The following TTLL6 variants were observed in gnomAD, a reference collection of about 807,000 sequenced individuals.
TTLL6 encodes tubulin tyrosine ligase like 6, also known as tubulin polyglutamylase TTLL6.
A neutral mutation model predicts 96.4 loss-of-function variants in TTLL6; 75 were observed. The ratio of observed to expected loss-of-function variants is 0.78; its 90% CI spans 0.65 to 0.94. The LOEUF (loss-of-function observed/expected upper bound fraction) is 0.94. TTLL6 is among the 40% of genes least tolerant of loss of function. TTLL6 has a pLI of 0.00. For missense variants in TTLL6, 1,030 were observed against 1,093.0 expected, an observed-to-expected ratio of 0.94 and a Z score of 0.81; for synonymous variants, 411 against 419.4, an observed-to-expected ratio of 0.98 and a Z score of 0.24.
chr17:48,804,130 T>TTAC, intron 2 of TTLL6: 1 of 623,580 alleles, frequency 1.6e-6, no homozygotes, highest in Non-Finnish European at 2.9e-6. Context: ...CAGGGTACTA[T>TTAC]TACTCTACCC....
intron 1 of TTLL6, 120 bp downstream of exon 1, chr17:48,816,850 G>A: frequency 1.5e-6 from 1 of 687,392 alleles, no homozygotes; most frequent in South Asian, 2.2e-5. Flanking sequence ...AGGGCAGCGG[G>A]CTACCCTGGG....
chr17:48,815,240 C>T (rs1490534029), intron 1 of TTLL6: 1 of 152,132 alleles, frequency 6.6e-6, no homozygotes, highest in African/African-American at 2.4e-5. Context: ...TTTTTCTAGT[C>T]TATAGGAATA....
chr17:48,799,617 A>G lies in TTLL6; in HGVS notation c.755T>C (p.Leu252Pro). The change falls in exon 6 of 16, where the codon CTG (leucine) becomes CCG (proline). Residue 252 changes from leucine to proline, a missense_variant. Coordinates refer to ENST00000393382, the MANE Select transcript of TTLL6 (RefSeq NM_001130918.3). ...IKPGEDMICQ[L>P]YISKPFIIDG... ...ATGAGGAAGTACCTTTGAAATATACAGCTGACAGATCATATCCTCCCCTGG... is the reference window on the plus strand; with the variant it reads ...ATGAGGAAGTACCTTTGAAATATACGGCTGACAGATCATATCCTCCCCTGG... 1 of 1,551,904 alleles carries G rather than the reference A, an allele frequency of 6.4e-7. No homozygotes were observed. The highest frequency in any genetic ancestry group is 8.7e-7 in the Non-Finnish European group (1 of 1,147,054).
At chr17:48,779,291 T>C (rs1254765977) in intron 13 of TTLL6, among the ~76,000 whole-genome samples, 2 of 141,592 alleles carry the variant, frequency 1.4e-5, no homozygotes, top group Non-Finnish European at 3.0e-5. Flanking sequence ...GAGGCTGAGG[T>C]TGCAGTGAGC....
At chr17:48,812,329 A>G (rs1293944873) in intron 1 of TTLL6, 1 of 152,134 alleles carries the variant, frequency 6.6e-6, no homozygotes, top group East Asian at 1.9e-4. Context: ...TACATACATC[A>G]TGGTGTAAGG....
intron 1 of TTLL6, among the ~76,000 whole-genome samples, chr17:48,808,641 T>G (rs1302300592): frequency 6.6e-6 from 1 of 152,176 alleles, no homozygotes; most frequent in Non-Finnish European, 1.5e-5. Flanking sequence ...CAATCTCAGC[T>G]CACTGCAACC....
intron 1 of TTLL6, among the ~76,000 whole-genome samples, chr17:48,811,991 A>G (rs954528418): frequency 1.3e-5 from 2 of 149,404 alleles, no homozygotes; most frequent in Admixed American, 1.3e-4. Flanking sequence ...GTGAGCCACC[A>G]CGCCCAGCCA....
intron 5 of TTLL6, chr17:48,800,056 T>A: frequency 3.3e-6 from 1 of 301,116 alleles, no homozygotes; most frequent in South Asian, 6.9e-5. Context: ...ACAGTGAGGA[T>A]AATAACGACA....
intron 15 of TTLL6, among the ~76,000 whole-genome samples, chr17:48,766,323 T>C (rs539211332): frequency 1.3e-5 from 2 of 152,316 alleles, no homozygotes; most frequent in African/African-American, 4.8e-5. Flanking sequence ...ACATAGTCCA[T>C]GCCACTAGAG....
At chr17:48,778,728 G>A (rs535065246) in intron 13 of TTLL6, among the ~76,000 whole-genome samples, 5 of 151,442 alleles carry the variant, frequency 3.3e-5, no homozygotes, top group African/African-American at 9.7e-5. Flanking sequence ...TCAGGAGTTC[G>A]AGACCAGCCT....
intron 15 of TTLL6, among the ~76,000 whole-genome samples, chr17:48,763,890 G>A (rs913668187): frequency 2.0e-5 from 3 of 152,156 alleles, no homozygotes; most frequent in African/African-American, 7.2e-5. Flanking sequence ...CTTGAACCTG[G>A]GAAGCAGAGG....
At chr17:48,787,221 C>A (rs888839595) in intron 11 of TTLL6, among the ~76,000 whole-genome samples, 1 of 152,144 alleles carries the variant, frequency 6.6e-6, no homozygotes, top group Admixed American at 6.5e-5. Context: ...GTGGATGAGT[C>A]CCTCCAGCTC....
intron 1 of TTLL6, among the ~76,000 whole-genome samples, chr17:48,810,825 G>GTGTATATATATATATATA (rs368085735): frequency 2.4e-5 from 2 of 84,354 alleles, no homozygotes; most frequent in African/African-American, 8.1e-5. Flanking sequence ...GTATGTGTGT[G>GTGTATATATATATATATA]TATATATATA....
At chr17:48,806,109 CA>C (rs11334275) in intron 1 of TTLL6, 47,273 of 140,572 alleles carry the variant, frequency 0.34, 8,061 homozygotes, top group East Asian at 0.74. Context: ...AACTCCATCT[CA>C]AAAAAAAAAA....
chr17:48,762,900 C>T lies in TTLL6; in HGVS notation c.*74G>A. 2.2e-6 allele frequency: 1 copy of T among 456,320 alleles called. No individual in the cohort carries two copies. The allele number at this position is 456,320 out of a possible 1,614,324, so 28.3% of individuals were successfully genotyped here. The stretch of plus-strand genomic sequence containing the variant: ...GTTGATTCTGTGAACACTGGAGACA[C>T]TGTCGGAAGAGACACATTGTTTCCT... On this transcript the variant is annotated 3_prime_UTR_variant, in exon 16 of 16. Coordinates refer to ENST00000393382, the MANE Select transcript of TTLL6 (RefSeq NM_001130918.3).
chr17:48,799,477 A>G, intron 6 of TTLL6, 127 bp downstream of exon 6: 1 of 999,264 alleles, frequency 1.0e-6, no homozygotes, highest in Non-Finnish European at 1.5e-6. Context: ...GACAAAGTGC[A>G]AGGCAGAAGC....
chr17:48,794,061 G>A (rs1329732345), intron 8 of TTLL6: 1 of 1,274,290 alleles, frequency 7.8e-7, no homozygotes, highest in East Asian at 2.4e-5. Flanking sequence ...GCCCAGCAAG[G>A]GCAGGCGGAG....
chr17:48,788,410 A>G (rs929728387), intron 10 of TTLL6, among the ~76,000 whole-genome samples: 1 of 152,142 alleles, frequency 6.6e-6, no homozygotes, highest in African/African-American at 2.4e-5. Flanking sequence ...ACCGTTTACG[A>G]GCTGCAATGA....
intron 13 of TTLL6, among the ~76,000 whole-genome samples, chr17:48,781,729 A>G (rs544939962): frequency 4.0e-4 from 61 of 152,300 alleles, no homozygotes; most frequent in African/African-American, 1.4e-3. Flanking sequence ...TGTCCCCCCA[A>G]AATTCATGTT....
Sources: gnomAD v4.1 joint callset for allele counts (sites outside exome capture counted in the v4.1 genomes callset) on GRCh38, gnomAD v4.1.1 for gene constraint, MANE v1.5 for transcripts, NCBI Gene and HGNC (gene_info 2026-07-23, HGNC 2026-07-21) for gene names.